Variants in STRN observed in about 807,000 individuals in gnomAD.
STRN encodes the protein protein phosphatase 2 regulatory subunit B'''alpha.
Under a neutral mutation model 96.3 loss-of-function variants are expected in STRN, and 53 were observed. The ratio of observed to expected loss-of-function variants is 0.55; its 90% CI spans 0.44 to 0.69. The LOEUF (loss-of-function observed/expected upper bound fraction) is 0.69. STRN is among the 30% of genes least tolerant of loss of function. The pLI, the probability that STRN is intolerant of heterozygous loss-of-function variation, is 0.00. For synonymous variants in STRN, 428 were observed against 355.9 expected (o/e 1.20, Z -2.28); for missense variants, 987 against 963.9 (o/e 1.02, Z -0.32).
intron 1 of STRN, among the ~76,000 whole-genome samples, chr2:36,929,175 A>C (rs1005456075): frequency 2.6e-5 from 4 of 151,528 alleles, no homozygotes; most frequent in Non-Finnish European, 4.4e-5. Flanking sequence ...CAAAAAAGAT[A>C]AAAATAATAG....
intron 3 of STRN, among the ~76,000 whole-genome samples, chr2:36,911,745 TC>T: frequency 6.6e-6 from 1 of 152,150 alleles, no homozygotes; most frequent in South Asian, 2.1e-4. Context: ...AATTTTTTTG[TC>T]CCTTTTTCTC....
intron 10 of STRN, among the ~76,000 whole-genome samples, chr2:36,875,909 G>C (rs1008470400): frequency 6.6e-6 from 1 of 152,006 alleles, no homozygotes; most frequent in South Asian, 2.1e-4. Context: ...TGCCCGCCTC[G>C]GCCTCCCAAA....
chr2:36,937,664 A>C (rs537627258), intron 1 of STRN, among the ~76,000 whole-genome samples: 2 of 151,830 alleles, frequency 1.3e-5, no homozygotes, highest in South Asian at 4.2e-4. Flanking sequence ...ACAGAGTGAA[A>C]TCTTGCCTTA....
rs1668465365 is a variant in STRN, at chr2:36,860,985, A to G, written c.1669+147T>C. On this transcript the variant is annotated intron_variant, in intron 13 of 17. Transcript: ENST00000263918. The stretch of plus-strand genomic sequence containing the variant: ...TTGTATATCAAGTTAATTCCTAAAT[A>G]CAGAAGTCCTTTTTAACAAAATAAA... The G allele has an allele frequency of 8.5e-6, 8 of 944,166 alleles. No homozygotes were observed. In the South Asian group the frequency reaches 1.2e-4, roughly 14 times the overall value. The allele number at this position is 944,166 out of a possible 1,614,324, so 58.5% of individuals were successfully genotyped here.
At chr2:36,853,600 T>G (rs1668272666) in intron 15 of STRN, among the ~76,000 whole-genome samples, 1 of 152,210 alleles carries the variant, frequency 6.6e-6, no homozygotes, top group Non-Finnish European at 1.5e-5. Context: ...TCAACTACCT[T>G]TGACTTTACC....
chr2:36,887,890 T>C (rs1669282204), intron 7 of STRN, among the ~76,000 whole-genome samples: 1 of 152,234 alleles, frequency 6.6e-6, no homozygotes, highest in Admixed American at 6.5e-5. Flanking sequence ...TAATGCTATG[T>C]AAATGTTAAC....
At chr2:36,857,205 G>T (rs1668368465) in intron 14 of STRN, among the ~76,000 whole-genome samples, 1 of 151,696 alleles carries the variant, frequency 6.6e-6, no homozygotes, top group Non-Finnish European at 1.5e-5. Flanking sequence ...AGGATTACAG[G>T]TGTGAGCCAC....
chr2:36,876,052 T>C (rs932844158), intron 10 of STRN, among the ~76,000 whole-genome samples: 6 of 152,124 alleles, frequency 3.9e-5, no homozygotes, highest in African/African-American at 1.4e-4. Flanking sequence ...GTGAACTGCT[T>C]GAGCTTAGGA....
At chr2:36,943,054 T>G (rs999834533) in intron 1 of STRN, among the ~76,000 whole-genome samples, 2 of 152,134 alleles carry the variant, frequency 1.3e-5, no homozygotes. Flanking sequence ...CTTTGATGAT[T>G]ATTAATAATA....
intron 1 of STRN, among the ~76,000 whole-genome samples, chr2:36,935,077 G>T (rs1367035739): frequency 3.9e-5 from 6 of 152,104 alleles, no homozygotes; most frequent in Non-Finnish European, 5.9e-5. Context: ...AGGATGGTGG[G>T]CAAAGGAAGG....
At position 36,851,100 on chromosome 2, in the gene STRN, G is replaced by C. The variant is rs1334337581; in HGVS notation, c.1986C>G (p.Asn662Lys). Reference sequence around the variant, plus strand: ...TGACTCTATTTATTTGGCAGGAAGAGTTGGCTGCTAAAAAGAAAAAATTAA... The same window carrying C: ...TGACTCTATTTATTTGGCAGGAAGACTTGGCTGCTAAAAAGAAAAAATTAA... ...TLESNVDTTA[N>K]SSCQINRVIS... The change falls in exon 16 of 18, where the codon AAC becomes AAG. Residue 662 changes from asparagine to lysine, a missense_variant. Coordinates refer to ENST00000263918, the MANE Select transcript of STRN (RefSeq NM_003162.4). 4 of 1,611,796 alleles carry C rather than the reference G, an allele frequency of 2.5e-6. No homozygotes were observed. The African/African-American group carries it at 5.4e-5, about 22-fold the overall frequency.
chr2:36,911,873 C>A (rs1669972989), intron 3 of STRN, among the ~76,000 whole-genome samples: 1 of 152,230 alleles, frequency 6.6e-6, no homozygotes, highest in Non-Finnish European at 1.5e-5. Flanking sequence ...GGACCCTTAG[C>A]TTTTCTCGAT....
At chr2:36,877,372 C>A (rs2717518) in intron 10 of STRN, among the ~76,000 whole-genome samples, 136,206 of 152,216 alleles carry the variant, frequency 0.89, 61,979 homozygotes, top group Non-Finnish European at 0.98. Flanking sequence ...AAATCATACT[C>A]AATTATGGAT....
intron 5 of STRN, among the ~76,000 whole-genome samples, chr2:36,902,186 T>C (rs980230633): frequency 6.6e-6 from 1 of 152,298 alleles, no homozygotes; most frequent in Non-Finnish European, 1.5e-5. Context: ...ACAACATTAA[T>C]AGATAAACAA....
At position 36,847,878 on chromosome 2, in the gene STRN, T is replaced by C. The variant is rs1668119256; in HGVS notation, c.*1578A>G. On this transcript the variant is annotated 3_prime_UTR_variant, in exon 18 of 18. Transcript: ENST00000263918. Reference sequence around the variant, plus strand: ...ATGGAATATGTAGAAATTGTTTTAATTGGTTAAAATATCTATAGATTTAAT... The same window carrying C: ...ATGGAATATGTAGAAATTGTTTTAACTGGTTAAAATATCTATAGATTTAAT... The C allele has an allele frequency of 6.6e-6, 1 of 152,206 alleles. No homozygotes were observed. 9.4% of individuals were successfully genotyped at this position (152,206 alleles called of 1,614,324 possible). A position where few individuals can be genotyped will look rare whatever the true frequency, so the allele number is the denominator to read the frequency against.
chr2:36,966,084 A>C, intron 1 of STRN, 146 bp downstream of exon 1: 1 of 902,064 alleles, frequency 1.1e-6, no homozygotes, highest in Non-Finnish European at 1.5e-6. Flanking sequence ...GGCGAAGAGA[A>C]GAAGGGGACG....
chr2:36,899,719 C>T, intron 5 of STRN, 61 bp from the exon 6 acceptor site: 2 of 1,429,120 alleles, frequency 1.4e-6, no homozygotes, highest in South Asian at 2.8e-5. Context: ...TAAGAAGTAA[C>T]CCATGATATG....
intron 3 of STRN, among the ~76,000 whole-genome samples, chr2:36,912,982 C>A (rs1344598873): frequency 6.6e-6 from 1 of 152,168 alleles, no homozygotes; most frequent in East Asian, 1.9e-4. Context: ...CAGAGAAGAT[C>A]AGCATAAAAT....
intron 1 of STRN, among the ~76,000 whole-genome samples, chr2:36,928,802 A>G (rs1161967860): frequency 6.6e-6 from 1 of 151,268 alleles, no homozygotes; most frequent in Non-Finnish European, 1.5e-5. Context: ...AAAAAAAATT[A>G]GCCGGGCGTG....
Sources: gnomAD v4.1 joint callset for allele counts (sites outside exome capture counted in the v4.1 genomes callset) on GRCh38, gnomAD v4.1.1 for gene constraint, MANE v1.5 for transcripts, NCBI Gene and HGNC (gene_info 2026-07-23, HGNC 2026-07-21) for gene names.